The following PIK3C2A variants were observed in gnomAD, a reference collection of about 807,000 sequenced individuals.
The protein encoded by PIK3C2A is phosphatidylinositol 4-phosphate 3-kinase C2 domain-containing subunit alpha.
Under a neutral mutation model 204.5 loss-of-function variants are expected in PIK3C2A, and 97 were observed. The observed-to-expected ratio is 0.47, with a 90% CI of 0.40 to 0.56. The LOEUF (loss-of-function observed/expected upper bound fraction) is 0.56, where lower values mean the gene tolerates loss of function less well. Among genes scored for constraint, PIK3C2A ranks in the 20% least tolerant of loss-of-function variants. The pLI, the probability that PIK3C2A is intolerant of heterozygous loss-of-function variation, is 0.00. For synonymous variants in PIK3C2A, 653 were observed against 664.4 expected, an observed-to-expected ratio of 0.98 and a Z score of 0.26; for missense variants, 1,735 against 1,969.2, an observed-to-expected ratio of 0.88 and a Z score of 2.25.
intron 13 of PIK3C2A, among the ~76,000 whole-genome samples, chr11:17,126,622 T>G (rs1174542206): frequency 1.3e-5 from 2 of 152,138 alleles, no homozygotes; most frequent in African/African-American, 4.8e-5. Flanking sequence ...AGAAACAAAG[T>G]GTAATAATAA....
At chr11:17,120,087 A>G in intron 15 of PIK3C2A, 113 bp from the exon 16 acceptor site, 1 of 528,996 alleles carries the variant, frequency 1.9e-6, no homozygotes, top group Non-Finnish European at 3.2e-6. Flanking sequence ...CTTCTTCATA[A>G]AATCATTAAT....
intron 30 of PIK3C2A, 107 bp from the exon 31 acceptor site, chr11:17,091,763 A>C (rs1195040524): frequency 7.9e-6 from 6 of 759,678 alleles, no homozygotes; most frequent in Non-Finnish European, 1.3e-5. Flanking sequence ...TGCGGACAGA[A>C]GGGAGGGGAA....
chr11:17,110,439 T>A lies in PIK3C2A; in HGVS notation c.3537A>T (p.Arg1179Ser), dbSNP rs1848961718. The change falls in exon 22 of 33, where the codon AGA (arginine) becomes AGT (serine). Residue 1179 changes from arginine to serine, a missense_variant. Physicochemically the swap from Arg to Ser is moderately radical, Grantham distance 110. Coordinates refer to ENST00000691414, the MANE Select transcript of PIK3C2A (RefSeq NM_002645.4). ...CACAGCTAATAAACTTACCTCGATC[T>A]CTGCCAGTTGAGAGACATTTGAAAA... is the stretch of plus-strand genomic sequence containing the variant. ...MVIFKCLSTG[R>S]DRGMVELVPA... 1.9e-6 allele frequency: 3 copies of A among 1,609,614 alleles called. No individual in the cohort carries two copies. Among genetic ancestry groups the A allele is most frequent in the Admixed American group, 1.7e-5 (1 of 59,174 alleles).
intron 8 of PIK3C2A, among the ~76,000 whole-genome samples, 178 bp downstream of exon 8, chr11:17,145,490 G>C (rs1850208283): frequency 6.6e-6 from 1 of 151,908 alleles, no homozygotes; most frequent in Admixed American, 6.6e-5. Flanking sequence ...AGTTTCCTGA[G>C]GCCTCCCCAG....
chr11:17,114,523 G>C, intron 19 of PIK3C2A, 58 bp from the exon 20 acceptor site: 1 of 805,354 alleles, frequency 1.2e-6, no homozygotes, highest in Non-Finnish European at 2.1e-6. Context: ...CTATTTTTCA[G>C]ACAAGTTATG....
chr11:17,110,330 C>G lies in PIK3C2A; in HGVS notation c.3544+102G>C, dbSNP rs895810721. ...AACACTGGATTAAAATAAGAAACAA[C>G]TGTGATACCAGGGTATCTGCATCAG... is the stretch of plus-strand genomic sequence containing the variant. On this transcript the variant is annotated intron_variant, in intron 22 of 32. Coordinates refer to ENST00000691414, the MANE Select transcript of PIK3C2A (RefSeq NM_002645.4). 1.3e-5 allele frequency: 10 copies of G among 764,986 alleles called. No individual in the cohort carries two copies. The African/African-American group carries it at 1.4e-4, about 11-fold the overall frequency. The allele number at this position is 764,986 out of a possible 1,614,324, so 47.4% of individuals were successfully genotyped here.
At chr11:17,180,772 A>C (rs151276427) in intron 1 of PIK3C2A, among the ~76,000 whole-genome samples, 3,494 of 152,262 alleles carry the variant, frequency 0.023, 141 homozygotes, top group African/African-American at 0.079. Flanking sequence ...CAGTGAGCCA[A>C]AATTGTGCCA....
At chr11:17,120,612 C>T (rs1849339658) in intron 15 of PIK3C2A, among the ~76,000 whole-genome samples, 2 of 151,888 alleles carry the variant, frequency 1.3e-5, no homozygotes, top group South Asian at 4.2e-4. Flanking sequence ...CTTCTAATTC[C>T]CCTTCTAAGA....
intron 1 of PIK3C2A, among the ~76,000 whole-genome samples, chr11:17,171,045 G>A (rs573293626): frequency 1.3e-5 from 2 of 152,294 alleles, no homozygotes; most frequent in Non-Finnish European, 2.9e-5. Context: ...GGAGCTTGCA[G>A]TGAGCCGAGA....
chr11:17,119,518 G>A (rs1168954310), intron 16 of PIK3C2A, among the ~76,000 whole-genome samples: 1 of 152,110 alleles, frequency 6.6e-6, no homozygotes, highest in Non-Finnish European at 1.5e-5. Context: ...GGAATCTTAA[G>A]TTTATGAAAA....
chr11:17,132,433 C>T (rs1849729104), intron 11 of PIK3C2A, among the ~76,000 whole-genome samples: 1 of 149,618 alleles, frequency 6.7e-6, no homozygotes, highest in African/African-American at 2.5e-5. Context: ...GGGTTCACGC[C>T]ATTCTCCTGC....
intron 23 of PIK3C2A, among the ~76,000 whole-genome samples, chr11:17,103,637 A>G (rs1848714399): frequency 6.6e-6 from 1 of 152,142 alleles, no homozygotes; most frequent in African/African-American, 2.4e-5. Context: ...GTGTGTATAC[A>G]TTAACATATT....
Position 17,104,078 on chromosome 11 carries a change from T to C in PIK3C2A, c.3681+1091A>G, listed in dbSNP as rs543347456. Among the ~76,000 whole-genome samples the C allele has an allele frequency of 4.5e-4, 68 of 152,308 alleles. 2 individuals carry two copies. The South Asian group carries it at 0.012, about 27-fold the overall frequency. ...CGTGTATGTCTATAAAGATGATCCA[T>C]TAATGAAACATAAACTAGGCAGCTC... On this transcript the variant is annotated intron_variant, in intron 23 of 32. Transcript: ENST00000691414.
In PIK3C2A at chr11:17,158,372, AAT is replaced by A. The variant is rs560150075; in HGVS notation, c.1066-2745_1066-2744del. On this transcript the variant is annotated intron_variant, in intron 2 of 32. Transcript: ENST00000691414. ...TCAAAAAAAAATAATAATAATAATA[AAT>A]ATATATATATATAATTATATATCTA... Among the ~76,000 whole-genome samples, 605 of 147,452 alleles carry A rather than the reference AAT, an allele frequency of 4.1e-3. 3 individuals are homozygous for A. Among genetic ancestry groups the A allele is most frequent in the African/African-American group, 0.012 (499 of 40,508 alleles).
At chr11:17,118,425 C>G (rs1236348198) in intron 18 of PIK3C2A, among the ~76,000 whole-genome samples, 3 of 151,948 alleles carry the variant, frequency 2.0e-5, no homozygotes, top group African/African-American at 7.3e-5. Context: ...AAGTCGAAAC[C>G]CATTCATTAT....
chr11:17,181,603 AATATATAT>A (rs148434889), intron 1 of PIK3C2A, among the ~76,000 whole-genome samples: 142 of 101,314 alleles, frequency 1.4e-3, no homozygotes, highest in Middle Eastern at 4.8e-3. Context: ...CCCATTTTTA[AATATATAT>A]ATATATATAT....
At chr11:17,148,336 G>A (rs747119371) in intron 5 of PIK3C2A, 1 of 189,254 alleles carries the variant, frequency 5.3e-6, no homozygotes, top group Non-Finnish European at 1.1e-5. Flanking sequence ...TGTTGCAAGA[G>A]GAATATAGTC....
At chr11:17,095,062 AAC>A (rs1242468994) in intron 27 of PIK3C2A, among the ~76,000 whole-genome samples, 1 of 152,158 alleles carries the variant, frequency 6.6e-6, no homozygotes, top group Non-Finnish European at 1.5e-5. Context: ...CAGCCTGTGC[AAC>A]ATAGTAAGGC....
At chr11:17,147,725 G>T in intron 5 of PIK3C2A, 97 bp from the exon 6 acceptor site, 1 of 644,012 alleles carries the variant, frequency 1.6e-6, no homozygotes. Flanking sequence ...AAATTGAAGA[G>T]AATGGTGAAA....
Sources: allele counts gnomAD v4.1 joint callset (sites outside exome capture counted in the v4.1 genomes callset), GRCh38; gene constraint gnomAD v4.1.1; transcripts MANE v1.5; gene names NCBI Gene and HGNC (gene_info 2026-07-23, HGNC 2026-07-21).